The following BABAM2 variants were observed in gnomAD, a reference collection of about 807,000 sequenced individuals.
BABAM2 encodes BRISC and BRCA1-A complex member 2.
Under a neutral mutation model 54.7 loss-of-function variants are expected in BABAM2, and 31 were observed. The ratio of observed to expected loss-of-function variants is 0.57; its 90% CI spans 0.43 to 0.77. The LOEUF is 0.77. BABAM2 is among the 30% of genes least tolerant of loss of function. The probability of loss-of-function intolerance (pLI) is 0.00; values close to 1 mark genes in which losing one functional copy is unlikely to be tolerated. For missense variants in BABAM2, 364 were observed against 455.8 expected (o/e 0.80, Z 1.83); for synonymous variants, 167 against 162.9 (o/e 1.03, Z -0.19).
At chr2:28,244,722 T>TATA (rs1682757741) in intron 9 of BABAM2, 58 bp from the exon 10 acceptor site, 2 of 1,486,218 alleles carry the variant, frequency 1.3e-6, no homozygotes, top group Non-Finnish European at 1.9e-6. Context: ...TTATTGCTTT[T>TATA]ATACCTTAAT....
At chr2:28,167,227 G>A (rs1309149850) in intron 7 of BABAM2, among the ~76,000 whole-genome samples, 15 of 152,084 alleles carry the variant, frequency 9.9e-5, no homozygotes, top group Admixed American at 9.8e-4. Context: ...ATATAGATAG[G>A]TACTGAAGTT....
In BABAM2 at chr2:28,338,579, C is replaced by T. The variant is rs763812301; in HGVS notation, c.*66C>T. On this transcript the variant is annotated 3_prime_UTR_variant, in exon 12 of 12. Coordinates refer to ENST00000379624, the MANE Select transcript of BABAM2 (RefSeq NM_199191.3). Reference sequence around the variant, plus strand: ...CCACATGCGTGTCAGCACATACAGCCGCTTCCTGGAAGCCGCCTGGAATGT... The same window carrying T: ...CCACATGCGTGTCAGCACATACAGCTGCTTCCTGGAAGCCGCCTGGAATGT... 10 of 1,573,726 alleles carry T rather than the reference C, an allele frequency of 6.4e-6. No individual in the cohort carries two copies. In the South Asian group the frequency reaches 6.7e-5, roughly 10 times the overall value.
At position 28,298,254 on chromosome 2, in the gene BABAM2, C is replaced by G. The variant is rs532327940; in HGVS notation, c.935-84C>G. On this transcript the variant is annotated intron_variant, in intron 10 of 11. Transcript: ENST00000379624. ...TTTGTGGTTCAAATAGAGTTTCGTACCTAACATTCGGATTTAGTCAAAAAA... is the reference window on the plus strand; with the variant it reads ...TTTGTGGTTCAAATAGAGTTTCGTAGCTAACATTCGGATTTAGTCAAAAAA... 3.3e-4 allele frequency: 471 copies of G among 1,425,800 alleles called. 1 individual carries two copies. The Middle Eastern group carries it at 0.011, about 33-fold the overall frequency. The allele number at this position is 1,425,800 out of a possible 1,614,324, so 88.3% of individuals were successfully genotyped here.
chr2:28,107,683 G>A (rs1667646534), intron 6 of BABAM2, among the ~76,000 whole-genome samples: 1 of 152,112 alleles, frequency 6.6e-6, no homozygotes, highest in Non-Finnish European at 1.5e-5. Flanking sequence ...CCTTTGTCCG[G>A]CTGCAGGTGC....
intron 11 of BABAM2, among the ~76,000 whole-genome samples, chr2:28,302,899 A>G (rs1039424283): frequency 1.3e-5 from 2 of 152,100 alleles, no homozygotes; most frequent in Non-Finnish European, 2.9e-5. Context: ...AATCTTGCCT[A>G]TTTTTAATTT....
At chr2:28,048,885 A>G (rs1677799652) in intron 6 of BABAM2, among the ~76,000 whole-genome samples, 1 of 152,162 alleles carries the variant, frequency 6.6e-6, no homozygotes, top group Admixed American at 6.5e-5. Context: ...ATTTTCTTAG[A>G]GTGTGGTGAA....
intron 11 of BABAM2, 61 bp from the exon 12 acceptor site, chr2:28,338,389 C>T: frequency 7.1e-7 from 1 of 1,410,878 alleles, no homozygotes; most frequent in Non-Finnish European, 1.0e-6. Context: ...CTCCCAGTTG[C>T]ACTTTGTTTC....
intron 7 of BABAM2, among the ~76,000 whole-genome samples, chr2:28,194,578 T>TTC (rs1677302584): frequency 6.9e-6 from 1 of 143,904 alleles, no homozygotes; most frequent in Non-Finnish European, 1.5e-5. Flanking sequence ...ACGTAGACTT[T>TTC]TTTTTTTTTT....
chr2:28,109,045 G>T (rs540331870), intron 6 of BABAM2, among the ~76,000 whole-genome samples: 4 of 152,122 alleles, frequency 2.6e-5, no homozygotes, highest in African/African-American at 9.6e-5. Context: ...TTTTACAAAT[G>T]AATCTTTCTC....
chr2:28,036,274 T>G (rs1676652645), intron 5 of BABAM2, among the ~76,000 whole-genome samples: 1 of 152,198 alleles, frequency 6.6e-6, no homozygotes, highest in Non-Finnish European at 1.5e-5. Flanking sequence ...TTTCAAGTAT[T>G]CTGTACGAAA....
chr2:27,948,595 AC>A (rs1280758939), intron 3 of BABAM2, among the ~76,000 whole-genome samples: 1 of 152,126 alleles, frequency 6.6e-6, no homozygotes, highest in Non-Finnish European at 1.5e-5. Flanking sequence ...ACATGGCAAA[AC>A]CCTGTCTCTA....
intron 4 of BABAM2, among the ~76,000 whole-genome samples, chr2:27,999,415 C>T (rs541310820): frequency 6.6e-5 from 10 of 152,148 alleles, no homozygotes; most frequent in Admixed American, 6.5e-5. Context: ...CCAAGGATGG[C>T]ATATTGGAAG....
chr2:27,980,068 C>T (rs965700033), intron 3 of BABAM2, among the ~76,000 whole-genome samples: 5 of 152,238 alleles, frequency 3.3e-5, no homozygotes, highest in South Asian at 2.1e-4. Flanking sequence ...GGAACTTCTG[C>T]CCCCATTGCT....
Position 28,025,426 on chromosome 2 carries a change from G to A in BABAM2, c.495+6G>A, listed in dbSNP as rs538684860. ...CTGGGAAAAAAAACAACTGGGTAAG[G>A]ATTTTTGAGAATGGAAAAAAAGATG... On this transcript the variant is annotated splice_donor_region_variant and intron_variant, in intron 5 of 11. Transcript: ENST00000379624. The A allele has an allele frequency of 4.8e-5, 75 of 1,554,406 alleles. No individual in the cohort carries two copies. In the Admixed American group the frequency reaches 9.6e-4, roughly 20 times the overall value.
intron 11 of BABAM2, among the ~76,000 whole-genome samples, chr2:28,299,128 A>G (rs559412594): frequency 6.6e-6 from 1 of 152,216 alleles, no homozygotes; most frequent in Non-Finnish European, 1.5e-5. Flanking sequence ...CTGTTGCCCA[A>G]AGTAGGACCT....
Position 27,894,534 on chromosome 2 carries a change from G to A in BABAM2, c.-23G>A. On this transcript the variant is annotated splice_region_variant and 5_prime_UTR_variant, in exon 2 of 12. Transcript: ENST00000379624. Reference sequence around the variant, plus strand: ...ATTATTCTTTCCTTCTGCTTTCAGTGGTGATTTACAAGTCAAGTTAAAATG... The same window carrying A: ...ATTATTCTTTCCTTCTGCTTTCAGTAGTGATTTACAAGTCAAGTTAAAATG... The A allele has an allele frequency of 6.2e-7, 1 of 1,613,112 alleles. No homozygotes were observed. Among genetic ancestry groups the A allele is most frequent in the East Asian group, 2.2e-5 (1 of 44,878 alleles).
intron 6 of BABAM2, among the ~76,000 whole-genome samples, chr2:28,081,900 C>T (rs891755113): frequency 2.0e-5 from 3 of 152,166 alleles, no homozygotes; most frequent in African/African-American, 7.2e-5. Context: ...TTTTTACATG[C>T]AGTTTTTAAT....
At chr2:28,320,482 T>A (rs945003187) in intron 11 of BABAM2, among the ~76,000 whole-genome samples, 1 of 152,206 alleles carries the variant, frequency 6.6e-6, no homozygotes, top group Non-Finnish European at 1.5e-5. Flanking sequence ...CCTGGAAACA[T>A]CTGTGCACAT....
intron 7 of BABAM2, among the ~76,000 whole-genome samples, chr2:28,201,349 T>C (rs1415869331): frequency 1.3e-5 from 2 of 152,220 alleles, no homozygotes; most frequent in Non-Finnish European, 2.9e-5. Flanking sequence ...ACCATATGGC[T>C]AATGTGGACC....
Sources: allele counts gnomAD v4.1 joint callset (sites outside exome capture counted in the v4.1 genomes callset), GRCh38; gene constraint gnomAD v4.1.1; transcripts MANE v1.5; gene names NCBI Gene and HGNC (gene_info 2026-07-23, HGNC 2026-07-21).